The following AKAP12 variants were observed in gnomAD, a reference collection of about 807,000 sequenced individuals.
AKAP12 encodes A-kinase anchor protein 12.
In AKAP12, 32 loss-of-function variants were observed where a neutral mutation model predicts 79.9. That is an observed-to-expected ratio of 0.40 (90% CI 0.30 to 0.54). The LOEUF is 0.54. Among genes scored for constraint, AKAP12 ranks in the 20% least tolerant of loss-of-function variants. AKAP12 has a pLI of 0.48. For missense variants in AKAP12, 2,074 were observed against 2,177.0 expected, an observed-to-expected ratio of 0.95 and a Z score of 0.94; for synonymous variants, 808 against 857.0, an observed-to-expected ratio of 0.94 and a Z score of 1.00.
intron 3 of AKAP12, among the ~76,000 whole-genome samples, chr6:151,321,694 T>C (rs1336391505): frequency 6.6e-6 from 1 of 152,012 alleles, no homozygotes; most frequent in Non-Finnish European, 1.5e-5. Context: ...TTGCTCTTGG[T>C]TATATGTCTA....
chr6:151,250,486 T>G (rs1562706054), intron 2 of AKAP12, among the ~76,000 whole-genome samples: 1 of 150,584 alleles, frequency 6.6e-6, no homozygotes, highest in Non-Finnish European at 1.5e-5. Flanking sequence ...GGTGACAGAG[T>G]GAGACTCCAT....
At chr6:151,248,091 T>G (rs1408955932) in intron 2 of AKAP12, among the ~76,000 whole-genome samples, 1 of 152,194 alleles carries the variant, frequency 6.6e-6, no homozygotes, top group Non-Finnish European at 1.5e-5. Context: ...GCTGACCATC[T>G]ATTTGTTATA....
At chr6:151,268,809 A>T (rs565990127) in intron 2 of AKAP12, among the ~76,000 whole-genome samples, 43 of 151,844 alleles carry the variant, frequency 2.8e-4, no homozygotes, top group Admixed American at 3.3e-4. Context: ...ATGCCCAGCT[A>T]ATTTTTGTAT....
In AKAP12 at chr6:151,352,452, A is replaced by G; in HGVS notation, c.4061A>G (p.Asn1354Ser). 1 of 1,614,198 alleles carries G rather than the reference A, an allele frequency of 6.2e-7. No individual in the cohort carries two copies. The highest frequency in any genetic ancestry group is 8.5e-7 in the Non-Finnish European group (1 of 1,180,030). ...EKTEAEPTHV[N>S]EEKLEHETAV... Reference sequence around the variant, plus strand: ...ACAGAAGCAGAGCCAACCCATGTGAATGAAGAGAAGCTTGAGCACGAAACA... The same window carrying G: ...ACAGAAGCAGAGCCAACCCATGTGAGTGAAGAGAAGCTTGAGCACGAAACA... Residue 1354 changes from asparagine (N) to serine (S), a missense_variant, in exon 4 of 5, where the codon AAT becomes AGT. By Grantham distance (46) the Asn-to-Ser change is conservative (BLOSUM62 1). This residue lies in a region of AKAP12 where 614 missense variants were observed against 665.6 expected (regional missense o/e 0.92). Coordinates refer to ENST00000402676, the MANE Select transcript of AKAP12 (RefSeq NM_005100.4).
At chr6:151,270,906 G>A (rs773999565) in intron 2 of AKAP12, among the ~76,000 whole-genome samples, 3 of 152,164 alleles carry the variant, frequency 2.0e-5, no homozygotes, top group Non-Finnish European at 4.4e-5. Flanking sequence ...GAATCCAAGT[G>A]AGCATTATGC....
intron 2 of AKAP12, among the ~76,000 whole-genome samples, chr6:151,244,641 C>T (rs775785075): frequency 1.1e-4 from 17 of 152,140 alleles, no homozygotes; most frequent in East Asian, 1.9e-4. Context: ...AAATGGAGAA[C>T]GAAGATGGCC....
chr6:151,305,172 T>C (rs1190970272), intron 2 of AKAP12, among the ~76,000 whole-genome samples: 7 of 141,584 alleles, frequency 4.9e-5, no homozygotes, highest in African/African-American at 2.1e-4. Flanking sequence ...CAGGGCTGTT[T>C]TTTTTTTTTT....
In AKAP12 at chr6:151,240,522, C is replaced by T; in HGVS notation, c.-41C>T. Reference sequence around the variant, plus strand: ...CCCTGTCCCTGCGGCTTGGGGAAGGCGTAACCCGGCGGCTAGGCGCGGGAG... The same window carrying T: ...CCCTGTCCCTGCGGCTTGGGGAAGGTGTAACCCGGCGGCTAGGCGCGGGAG... On this transcript the variant is annotated 5_prime_UTR_variant, in exon 2 of 5. Transcript: ENST00000402676. 1 of 1,403,240 alleles carries T rather than the reference C, an allele frequency of 7.1e-7. No individual in the cohort carries two copies. Among genetic ancestry groups the T allele is most frequent in the Non-Finnish European group, 9.2e-7 (1 of 1,085,226 alleles). 86.9% of individuals were successfully genotyped at this position (1,403,240 alleles called of 1,614,324 possible).
At chr6:151,259,320 A>G (rs1797362892) in intron 2 of AKAP12, among the ~76,000 whole-genome samples, 1 of 151,670 alleles carries the variant, frequency 6.6e-6, no homozygotes, top group South Asian at 2.1e-4. Flanking sequence ...TGCTGGGATT[A>G]CAGGTGTGAG....
intron 2 of AKAP12, among the ~76,000 whole-genome samples, chr6:151,250,612 C>CT (rs1369064995): frequency 1.2e-4 from 18 of 149,124 alleles, no homozygotes; most frequent in African/African-American, 2.0e-4. Flanking sequence ...AGATATTTTC[C>CT]TTTTTTTTTT....
At chr6:151,279,982 T>A (rs1031635613) in intron 2 of AKAP12, among the ~76,000 whole-genome samples, 1 of 151,930 alleles carries the variant, frequency 6.6e-6, no homozygotes, top group Non-Finnish European at 1.5e-5. Flanking sequence ...CTTCATTCCC[T>A]CTTGTCTTCT....
intron 3 of AKAP12, among the ~76,000 whole-genome samples, chr6:151,314,317 G>A (rs192624985): frequency 4.9e-4 from 74 of 152,196 alleles, no homozygotes; most frequent in Admixed American, 1.6e-3. Context: ...ATGAGCCACC[G>A]CACCCGGCCT....
At chr6:151,243,668 T>C (rs1015017527) in intron 2 of AKAP12, among the ~76,000 whole-genome samples, 4 of 152,164 alleles carry the variant, frequency 2.6e-5, no homozygotes, top group Non-Finnish European at 5.9e-5. Flanking sequence ...CTGGAAATCT[T>C]TTACAGTCTT....
intron 3 of AKAP12, chr6:151,323,680 G>T: frequency 1.0e-6 from 1 of 983,916 alleles, no homozygotes; most frequent in Non-Finnish European, 1.2e-6. Context: ...TATTAAATGT[G>T]TAACTAGTGA....
chr6:151,349,241 CCGA>C lies in AKAP12; in HGVS notation c.852_854del (p.Thr285del). The C allele has an allele frequency of 1.2e-6, 2 of 1,613,582 alleles. No individual in the cohort carries two copies. The highest frequency in any genetic ancestry group is 1.1e-5 in the South Asian group (1 of 91,056). On this transcript the variant is annotated inframe_deletion, in exon 4 of 5. Transcript: ENST00000402676. ...AGAACCTAGCAAGTCTGCAGAATCT[CCGA>C]CTAGTCCCGTGACCAGTGAAACAGG...
chr6:151,260,109 C>G (rs574331254), intron 2 of AKAP12, among the ~76,000 whole-genome samples: 8 of 152,234 alleles, frequency 5.3e-5, no homozygotes, highest in Non-Finnish European at 1.0e-4. Flanking sequence ...CATACAGTCT[C>G]TTTTCTTACT....
At chr6:151,301,509 CTTAT>C (rs1776862474) in intron 2 of AKAP12, among the ~76,000 whole-genome samples, 1 of 152,098 alleles carries the variant, frequency 6.6e-6, no homozygotes, top group Non-Finnish European at 1.5e-5. Context: ...AACGGTATGA[CTTAT>C]TTAGACGGTT....
At chr6:151,329,515 G>C (rs1333984815) in intron 3 of AKAP12, among the ~76,000 whole-genome samples, 1 of 152,196 alleles carries the variant, frequency 6.6e-6, no homozygotes, top group Non-Finnish European at 1.5e-5. Flanking sequence ...ATGAGAAACA[G>C]GGACATTATT....
chr6:151,266,302 C>T (rs1198425549), intron 2 of AKAP12, among the ~76,000 whole-genome samples: 1 of 152,152 alleles, frequency 6.6e-6, no homozygotes, highest in Admixed American at 6.5e-5. Flanking sequence ...CTTCAATTAT[C>T]TTCTGTCATT....
Sources: gnomAD v4.1 joint callset for allele counts (sites outside exome capture counted in the v4.1 genomes callset) on GRCh38, gnomAD v4.1.1 for gene constraint, gnomAD v4.1.1 regional missense constraint, MANE v1.5 for transcripts, NCBI Gene and HGNC (gene_info 2026-07-23, HGNC 2026-07-21) for gene names.